GLRA3: variants seen among roughly 807,000 people sequenced by gnomAD.
GLRA3 encodes glycine receptor alpha 3.
A neutral mutation model predicts 60.4 loss-of-function variants in GLRA3; 44 were observed. That is an observed-to-expected ratio of 0.73 (90% CI 0.57 to 0.94). GLRA3 has a LOEUF of 0.94. GLRA3 is among the 40% of genes least tolerant of loss of function. The pLI is 0.00. For synonymous variants in GLRA3, 223 were observed against 192.9 expected (o/e 1.16, Z -1.29); for missense variants, 508 against 564.6 (o/e 0.90, Z 1.02).
chr4:174,789,249 T>G (rs1170073797), intron 1 of GLRA3, among the ~76,000 whole-genome samples: 2 of 152,224 alleles, frequency 1.3e-5, no homozygotes, highest in Non-Finnish European at 2.9e-5. Context: ...TTATTTCTGA[T>G]AGCAATTTTT....
intron 3 of GLRA3, among the ~76,000 whole-genome samples, chr4:174,733,385 T>C (rs1237086128): frequency 1.3e-5 from 2 of 152,136 alleles, no homozygotes; most frequent in Admixed American, 1.3e-4. Context: ...GTATGTTGTG[T>C]TTTTTTGACA....
At chr4:174,783,165 C>T (rs1379086052) in intron 2 of GLRA3, among the ~76,000 whole-genome samples, 7 of 151,700 alleles carry the variant, frequency 4.6e-5, no homozygotes, top group South Asian at 2.1e-4. Flanking sequence ...AATAACGCCG[C>T]GTATCTACAA....
rs370080225 is a variant in GLRA3 at position 174,697,588 on chromosome 4, A to G, written c.575-14649T>C. ...AAATTATTGGTCTGGTAAATTAAGC[A>G]TCTTCTTAGCAATTACATTTTCTCT... On this transcript the variant is annotated intron_variant, in intron 5 of 9. Coordinates refer to ENST00000274093, the MANE Select transcript of GLRA3 (RefSeq NM_006529.4). 9.3e-4 allele frequency among the ~76,000 whole-genome samples: 142 copies of G among 152,316 alleles called. 4 individuals carry two copies. The South Asian group carries it at 0.029, about 31-fold the overall frequency.
intron 2 of GLRA3, among the ~76,000 whole-genome samples, chr4:174,781,898 G>A (rs372927554): frequency 3.3e-5 from 5 of 151,944 alleles, no homozygotes; most frequent in East Asian, 1.9e-4. Flanking sequence ...ATAAGGAGGA[G>A]CTGGTACCAT....
intron 3 of GLRA3, among the ~76,000 whole-genome samples, chr4:174,754,568 A>G (rs1003907946): frequency 6.6e-6 from 1 of 152,144 alleles, no homozygotes; most frequent in African/African-American, 2.4e-5. Context: ...ATAAATATGA[A>G]TGACATCGGA....
chr4:174,730,856 A>G (rs533589867), intron 3 of GLRA3, among the ~76,000 whole-genome samples: 40 of 152,184 alleles, frequency 2.6e-4, no homozygotes, highest in Non-Finnish European at 4.7e-4. Flanking sequence ...TAAGAACCAC[A>G]TGAGGCCCCT....
At chr4:174,729,471 T>C (rs1006751051) in intron 3 of GLRA3, among the ~76,000 whole-genome samples, 1 of 152,192 alleles carries the variant, frequency 6.6e-6, no homozygotes, top group African/African-American at 2.4e-5. Context: ...ACGATTATTG[T>C]CCATAATACT....
At chr4:174,691,733 G>A (rs1057280541) in intron 5 of GLRA3, among the ~76,000 whole-genome samples, 9 of 152,030 alleles carry the variant, frequency 5.9e-5, no homozygotes, top group African/African-American at 1.9e-4. Flanking sequence ...GCGTGATCTC[G>A]GCTCGCTACA....
intron 2 of GLRA3, among the ~76,000 whole-genome samples, chr4:174,768,549 G>A (rs1377422376): frequency 6.6e-6 from 1 of 152,010 alleles, no homozygotes; most frequent in East Asian, 1.9e-4. Flanking sequence ...CAAAACTGAA[G>A]AAGACACAAA....
rs957776312 is a variant in GLRA3 at position 174,741,122 on chromosome 4, G to T, written c.268-12424C>A. ...GAGTGAGATTACTGGGTCATATTAAGTGCATGTTTACATTTAGAAAAAAAG... is the reference window on the plus strand; with the variant it reads ...GAGTGAGATTACTGGGTCATATTAATTGCATGTTTACATTTAGAAAAAAAG... On this transcript the variant is annotated intron_variant, in intron 3 of 9. Coordinates refer to ENST00000274093, the MANE Select transcript of GLRA3 (RefSeq NM_006529.4). Among the ~76,000 whole-genome samples, 7 of 152,282 alleles carry T rather than the reference G, an allele frequency of 4.6e-5. No individual in the cohort carries two copies. The East Asian group carries it at 1.4e-3, about 29-fold the overall frequency.
At chr4:174,722,818 A>G (rs1386203910) in intron 4 of GLRA3, 2 of 167,076 alleles carry the variant, frequency 1.2e-5, no homozygotes, top group Non-Finnish European at 2.9e-5. Flanking sequence ...TTTTTCTAGC[A>G]CAATTTTTGT....
At chr4:174,824,735 C>T (rs1740890672) in intron 1 of GLRA3, among the ~76,000 whole-genome samples, 1 of 152,084 alleles carries the variant, frequency 6.6e-6, no homozygotes, top group South Asian at 2.1e-4. Flanking sequence ...CCACAAGTAC[C>T]AAGGTTTCTT....
Position 174,722,594 on chromosome 4 carries a change from A to G in GLRA3, c.491+5881T>C, listed in dbSNP as rs534349407. The stretch of plus-strand genomic sequence containing the variant: ...CATCTGTTGCTGTTTTTTCCCCATT[A>G]CTTTCATCCTCCTGTGTGTTAACGA... On this transcript the variant is annotated intron_variant, in intron 4 of 9. Coordinates refer to ENST00000274093, the MANE Select transcript of GLRA3 (RefSeq NM_006529.4). 5 of 152,798 alleles carry G rather than the reference A, an allele frequency of 3.3e-5. No individual in the cohort carries two copies. The East Asian group carries it at 5.8e-4, about 18-fold the overall frequency. 9.5% of individuals were successfully genotyped at this position (152,798 alleles called of 1,614,324 possible).
At chr4:174,748,390 C>T (rs1438289700) in intron 3 of GLRA3, among the ~76,000 whole-genome samples, 1 of 152,060 alleles carries the variant, frequency 6.6e-6, no homozygotes, top group Non-Finnish European at 1.5e-5. Context: ...GCATCAGGTA[C>T]AACCATTTAA....
At chr4:174,765,171 A>G (rs924350027) in intron 3 of GLRA3, among the ~76,000 whole-genome samples, 40 of 124,376 alleles carry the variant, frequency 3.2e-4, no homozygotes, top group African/African-American at 1.0e-3. Flanking sequence ...GCAGAATGCT[A>G]TTCTATAAAG....
rs563705269 is a variant in GLRA3 at position 174,695,058 on chromosome 4, A to T, written c.575-12119T>A. On this transcript the variant is annotated intron_variant, in intron 5 of 9. Transcript: ENST00000274093. ...TGATTTCCTAAACAGATCAATAACA[A>T]CCTCCAAAATTGAATCAGTAATAAA... Among the ~76,000 whole-genome samples, 26 of 152,194 alleles carry T rather than the reference A, an allele frequency of 1.7e-4. No individual in the cohort carries two copies. The South Asian group carries it at 5.4e-3, about 32-fold the overall frequency.
intron 7 of GLRA3, among the ~76,000 whole-genome samples, chr4:174,663,240 T>C (rs1444531360): frequency 6.6e-6 from 1 of 152,188 alleles, no homozygotes; most frequent in Non-Finnish European, 1.5e-5. Context: ...TTTATTCCAG[T>C]GCTGTATCAA....
chr4:174,684,381 G>A (rs1226572842), intron 5 of GLRA3, among the ~76,000 whole-genome samples: 2 of 152,126 alleles, frequency 1.3e-5, no homozygotes, highest in Admixed American at 6.5e-5. Flanking sequence ...GACAGTTTGT[G>A]GAAGTGGAAA....
At chr4:174,679,098 G>A (rs537562769) in intron 6 of GLRA3, among the ~76,000 whole-genome samples, 6 of 152,132 alleles carry the variant, frequency 3.9e-5, no homozygotes, top group East Asian at 1.9e-4. Context: ...TTGGGAGGCC[G>A]AGGCGGGAGA....
Sources: gnomAD v4.1 joint callset for allele counts (sites outside exome capture counted in the v4.1 genomes callset) on GRCh38, gnomAD v4.1.1 for gene constraint, MANE v1.5 for transcripts, NCBI Gene and HGNC (gene_info 2026-07-23, HGNC 2026-07-21) for gene names.